PTPRJ: variants seen among roughly 807,000 people sequenced by gnomAD.
PTPRJ encodes receptor-type tyrosine-protein phosphatase eta.
PTPRJ carries 129 observed loss-of-function variants against 141.3 expected under a neutral mutation model. The ratio of observed to expected loss-of-function variants is 0.91; its 90% CI spans 0.79 to 1.06. The LOEUF (loss-of-function observed/expected upper bound fraction) is 1.06. Ranked by LOEUF, PTPRJ falls within the 50% of genes least tolerant of loss-of-function variation. The pLI is 0.00. For missense variants in PTPRJ, 1,601 were observed against 1,679.7 expected, an observed-to-expected ratio of 0.95 and a Z score of 0.82; for synonymous variants, 610 against 640.5, an observed-to-expected ratio of 0.95 and a Z score of 0.72.
rs942288226 is a variant in PTPRJ, at chr11:48,168,358, A to G, written c.*996A>G. The stretch of plus-strand genomic sequence containing the variant: ...TTCATGATGTTCTAGGTTTTTAGTA[A>G]CGTTTTACTCAGGTTGGCATTTTAT... On this transcript the variant is annotated 3_prime_UTR_variant, in exon 25 of 25. Transcript: ENST00000418331. 1 of 151,106 alleles carries G rather than the reference A, an allele frequency of 6.6e-6. No individual in the cohort carries two copies. Among genetic ancestry groups the G allele is most frequent in the African/African-American group, 2.4e-5 (1 of 41,018 alleles). 9.4% of individuals were successfully genotyped at this position (151,106 alleles called of 1,614,324 possible).
At position 48,167,561 on chromosome 11, in the gene PTPRJ, C is replaced by T; in HGVS notation, c.*199C>T. 2.1e-6 allele frequency: 1 copy of T among 480,046 alleles called. No homozygotes were observed. The highest frequency in any genetic ancestry group is 3.5e-6 in the Non-Finnish European group (1 of 288,032). 29.7% of individuals were successfully genotyped at this position (480,046 alleles called of 1,614,324 possible). A position where few individuals can be genotyped will look rare whatever the true frequency, so the allele number is the denominator to read the frequency against. On this transcript the variant is annotated 3_prime_UTR_variant, in exon 25 of 25. Coordinates refer to ENST00000418331, the MANE Select transcript of PTPRJ (RefSeq NM_002843.4). Reference sequence around the variant, plus strand: ...TCGGGGGCTGTGGATGGGTGGGGAGCAAATCATCTGCATTCCTGATGACCA... The same window carrying T: ...TCGGGGGCTGTGGATGGGTGGGGAGTAAATCATCTGCATTCCTGATGACCA...
chr11:48,079,993 G>A (rs1183212580), intron 1 of PTPRJ, among the ~76,000 whole-genome samples: 1 of 152,188 alleles, frequency 6.6e-6, no homozygotes, highest in African/African-American at 2.4e-5. Flanking sequence ...TTTTCACCTG[G>A]CTTGCAGGTG....
intron 2 of PTPRJ, 151 bp from the exon 3 acceptor site, chr11:48,112,596 A>G: frequency 1.5e-6 from 1 of 650,690 alleles, no homozygotes. Flanking sequence ...TGAGGGGCTC[A>G]TGTTGTAGGT....
At chr11:47,989,075 A>G (rs377100104) in intron 1 of PTPRJ, among the ~76,000 whole-genome samples, 4 of 148,316 alleles carry the variant, frequency 2.7e-5, no homozygotes, top group South Asian at 2.2e-4. Flanking sequence ...AGTAGAGACG[A>G]GGTTTCACCG....
In PTPRJ at chr11:47,981,349, G is replaced by A. The variant is rs12287121; in HGVS notation, c.96+341G>A. ...CGGGCACGGGCCCGGCTTCCTAGCC[G>A]GAGGCGGCCGGAGGGGGCGTGTTTG... is the stretch of plus-strand genomic sequence containing the variant. On this transcript the variant is annotated intron_variant, in intron 1 of 24. Coordinates refer to ENST00000418331, the MANE Select transcript of PTPRJ (RefSeq NM_002843.4). Among the ~76,000 whole-genome samples, 1,176 of 152,172 alleles carry A rather than the reference G, an allele frequency of 7.7e-3. 18 individuals carry two copies. The highest frequency in any genetic ancestry group is 0.026 in the African/African-American group (1,092 of 41,510).
At chr11:48,125,858 A>C (rs1408214538) in intron 6 of PTPRJ, among the ~76,000 whole-genome samples, 1 of 152,156 alleles carries the variant, frequency 6.6e-6, no homozygotes, top group Non-Finnish European at 1.5e-5. Context: ...AGGAGGGTCC[A>C]TTTGTGTCCT....
intron 1 of PTPRJ, among the ~76,000 whole-genome samples, chr11:48,046,889 CATATATATAT>C (rs1243672838): frequency 3.9e-5 from 3 of 76,908 alleles, no homozygotes; most frequent in African/African-American, 1.3e-4. Flanking sequence ...AATATGTTTA[CATATATATAT>C]ATATATATAT....
At chr11:48,020,464 C>G (rs1265209019) in intron 1 of PTPRJ, among the ~76,000 whole-genome samples, 1 of 152,138 alleles carries the variant, frequency 6.6e-6, no homozygotes, top group Non-Finnish European at 1.5e-5. Context: ...TTTGGTGTGG[C>G]CCCGTTTCCT....
chr11:48,103,598 A>G (rs1251635248), intron 1 of PTPRJ, among the ~76,000 whole-genome samples: 1 of 152,234 alleles, frequency 6.6e-6, no homozygotes, highest in Non-Finnish European at 1.5e-5. Flanking sequence ...TTGATTATAC[A>G]TCAATTATGT....
intron 1 of PTPRJ, among the ~76,000 whole-genome samples, chr11:48,109,191 T>G (rs1338935113): frequency 6.6e-6 from 1 of 152,146 alleles, no homozygotes; most frequent in Non-Finnish European, 1.5e-5. Context: ...GTGGCTGAGT[T>G]TGAATTTTAT....
chr11:48,010,533 T>TTTA (rs1308370278), intron 1 of PTPRJ, among the ~76,000 whole-genome samples: 2 of 151,670 alleles, frequency 1.3e-5, no homozygotes, highest in Non-Finnish European at 1.5e-5. Flanking sequence ...GAGTTAGGCT[T>TTTA]TTATTATTAT....
At chr11:48,032,175 G>C (rs1442286266) in intron 1 of PTPRJ, among the ~76,000 whole-genome samples, 1 of 152,120 alleles carries the variant, frequency 6.6e-6, no homozygotes, top group Non-Finnish European at 1.5e-5. Context: ...GTCTTTTCCT[G>C]CCCCCTGCCA....
chr11:48,147,851 GT>G (rs780495053), intron 15 of PTPRJ, among the ~76,000 whole-genome samples: 115 of 145,252 alleles, frequency 7.9e-4, no homozygotes, highest in Middle Eastern at 3.6e-3. Flanking sequence ...GTTAGGTTCT[GT>G]TTTTTTTTTT....
At chr11:48,035,042 C>G (rs565737478) in intron 1 of PTPRJ, among the ~76,000 whole-genome samples, 2 of 152,330 alleles carry the variant, frequency 1.3e-5, no homozygotes, top group Non-Finnish European at 2.9e-5. Flanking sequence ...GCTTCCGAAT[C>G]CTGCTATTTC....
chr11:48,055,128 A>C (rs1854719300), intron 1 of PTPRJ, among the ~76,000 whole-genome samples: 1 of 152,060 alleles, frequency 6.6e-6, no homozygotes, highest in Admixed American at 6.6e-5. Flanking sequence ...TGAGACTGCA[A>C]TGAGCTGTGA....
At chr11:48,156,376 A>C (rs1046509815) in intron 21 of PTPRJ, among the ~76,000 whole-genome samples, 59 of 152,080 alleles carry the variant, frequency 3.9e-4, no homozygotes, top group Non-Finnish European at 4.4e-4. Context: ...TGCTGGAGTT[A>C]GTAAATAGCA....
chr11:48,057,173 G>T (rs1854778094), intron 1 of PTPRJ, among the ~76,000 whole-genome samples: 1 of 152,140 alleles, frequency 6.6e-6, no homozygotes, highest in Non-Finnish European at 1.5e-5. Context: ...GCCCCCCATT[G>T]CCTGGTGTGG....
chr11:48,047,344 C>T (rs1327526525), intron 1 of PTPRJ, among the ~76,000 whole-genome samples: 1 of 152,092 alleles, frequency 6.6e-6, no homozygotes, highest in Non-Finnish European at 1.5e-5. Flanking sequence ...AAGTCCTGTG[C>T]CTGTTGTAAT....
chr11:48,015,379 T>C (rs746984601), intron 1 of PTPRJ, among the ~76,000 whole-genome samples: 4 of 152,068 alleles, frequency 2.6e-5, no homozygotes, highest in Non-Finnish European at 5.9e-5. Flanking sequence ...TTGACACTTC[T>C]GCAGGATGGG....
Sources: gnomAD v4.1 joint callset for allele counts (sites outside exome capture counted in the v4.1 genomes callset) on GRCh38, gnomAD v4.1.1 for gene constraint, MANE v1.5 for transcripts, NCBI Gene and HGNC (gene_info 2026-07-23, HGNC 2026-07-21) for gene names.